PARPBP: variants seen among roughly 807,000 people sequenced by gnomAD.
PARPBP encodes PARP1 binding protein.
In PARPBP, 52 loss-of-function variants were observed where a neutral mutation model predicts 50.0. That is an observed-to-expected ratio of 1.04 (90% confidence interval 0.83 to 1.31). The LOEUF is 1.31. PARPBP is among the 50% of genes most tolerant of loss of function. The probability of loss-of-function intolerance (pLI) is 0.00; values close to 1 mark genes in which losing one functional copy is unlikely to be tolerated. For synonymous variants in PARPBP, 244 were observed against 232.1 expected (o/e 1.05, Z -0.47); for missense variants, 697 against 672.0 (o/e 1.04, Z -0.41).
At position 102,154,829 on chromosome 12, in the gene PARPBP, C is replaced by T. The variant is rs752127053; in HGVS notation, c.495+853C>T. The T allele has an allele frequency of 8.8e-6, 4 of 454,420 alleles. No homozygotes were observed. In the East Asian group the frequency reaches 2.1e-4, roughly 24 times the overall value. 28.1% of individuals were successfully genotyped at this position (454,420 alleles called of 1,614,324 possible). A position where few individuals can be genotyped will look rare whatever the true frequency, so the allele number is the denominator to read the frequency against. On this transcript the variant is annotated intron_variant, in intron 4 of 10. Transcript: ENST00000327680. ...TAACTAAATCTTTCCCCTTCCAGGC[C>T]CTCCCAGTCCTGAAGAGATAACTGA...
intron 2 of PARPBP, among the ~76,000 whole-genome samples, chr12:102,142,874 C>T (rs1428325146): frequency 2.0e-5 from 3 of 152,192 alleles, no homozygotes; most frequent in Non-Finnish European, 4.4e-5. Context: ...GAGGGACACC[C>T]GGCCGTATGA....
chr12:102,166,978 G>A (rs928191138), intron 6 of PARPBP, among the ~76,000 whole-genome samples: 2 of 152,056 alleles, frequency 1.3e-5, no homozygotes, highest in South Asian at 4.1e-4. Context: ...AAAATTTTTT[G>A]TAAGGCAATA....
At chr12:102,126,022 A>G (rs1881938629) in intron 2 of PARPBP, among the ~76,000 whole-genome samples, 2 of 152,228 alleles carry the variant, frequency 1.3e-5, no homozygotes, top group African/African-American at 4.8e-5. Context: ...AGAGATAAGC[A>G]CAATACTGGA....
chr12:102,166,471 T>G (rs745383755), intron 6 of PARPBP, among the ~76,000 whole-genome samples: 1 of 152,180 alleles, frequency 6.6e-6, no homozygotes, highest in South Asian at 2.1e-4. Flanking sequence ...ATTGTCAATT[T>G]GGTATCCTAT....
At chr12:102,142,313 C>G (rs142355503) in intron 2 of PARPBP, among the ~76,000 whole-genome samples, 2 of 152,148 alleles carry the variant, frequency 1.3e-5, no homozygotes, top group African/African-American at 2.4e-5. Flanking sequence ...TCATAGTTCT[C>G]GTGCCATGGT....
intron 4 of PARPBP, among the ~76,000 whole-genome samples, chr12:102,155,602 G>GGT (rs1555216797): frequency 7.4e-5 from 9 of 121,930 alleles, no homozygotes; most frequent in Non-Finnish European, 1.5e-4. Context: ...GGTGGGGGGG[G>GGT]GGGGCGGGGA....
intron 1 of PARPBP, among the ~76,000 whole-genome samples, chr12:102,122,069 C>T (rs1389735895): frequency 6.6e-6 from 1 of 152,176 alleles, no homozygotes; most frequent in East Asian, 1.9e-4. Context: ...GGTGGAGCCA[C>T]ATTTCAGAAT....
intron 9 of PARPBP, among the ~76,000 whole-genome samples, chr12:102,187,781 T>G (rs1352205626): frequency 1.3e-5 from 2 of 152,150 alleles, no homozygotes; most frequent in Non-Finnish European, 2.9e-5. Flanking sequence ...TGTGGAGACT[T>G]CTTTTTTTCA....
Position 102,178,556 on chromosome 12 carries a change from A to T in PARPBP, c.1006-36A>T, listed in dbSNP as rs1051990383. On this transcript the variant is annotated intron_variant, in intron 7 of 10. Transcript: ENST00000327680. ...TATGGCCATTCACCCAGCTGGGGTGATTATTACATTTACCTAAAATTATTT... is the reference window on the plus strand; with the variant it reads ...TATGGCCATTCACCCAGCTGGGGTGTTTATTACATTTACCTAAAATTATTT... The T allele has an allele frequency of 6.3e-6, 9 of 1,438,052 alleles. No individual in the cohort carries two copies. The African/African-American group carries it at 8.6e-5, about 14-fold the overall frequency. The allele number at this position is 1,438,052 out of a possible 1,614,324, so 89.1% of individuals were successfully genotyped here. A position where few individuals can be genotyped will look rare whatever the true frequency, so the allele number is the denominator to read the frequency against.
Position 102,196,358 on chromosome 12 carries a change from T to C in PARPBP, c.*67T>C, listed in dbSNP as rs1357010449. On this transcript the variant is annotated 3_prime_UTR_variant, in exon 11 of 11. Coordinates refer to ENST00000327680, the MANE Select transcript of PARPBP (RefSeq NM_017915.5). Reference sequence around the variant, plus strand: ...ATTCACCAAAGACATGCTTAATTTTTAAGAGATCAAGGTGTAAATTATGAT... The same window carrying C: ...ATTCACCAAAGACATGCTTAATTTTCAAGAGATCAAGGTGTAAATTATGAT... The C allele has an allele frequency of 9.6e-7, 1 of 1,045,922 alleles. No homozygotes were observed. The highest frequency in any genetic ancestry group is 1.6e-5 in the African/African-American group (1 of 62,090). 64.8% of individuals were successfully genotyped at this position (1,045,922 alleles called of 1,614,324 possible).
At chr12:102,159,398 A>G (rs755734054) in intron 4 of PARPBP, among the ~76,000 whole-genome samples, 10 of 152,202 alleles carry the variant, frequency 6.6e-5, no homozygotes, top group Non-Finnish European at 8.8e-5. Context: ...AAGTGCTGGA[A>G]TTACAGGCGT....
At chr12:102,139,191 A>G (rs1884152727) in intron 2 of PARPBP, among the ~76,000 whole-genome samples, 1 of 152,170 alleles carries the variant, frequency 6.6e-6, no homozygotes, top group Non-Finnish European at 1.5e-5. Context: ...TTCTCCTTGA[A>G]GAGGTCCTTC....
chr12:102,166,336 TATG>T (rs1888139481), intron 6 of PARPBP, among the ~76,000 whole-genome samples: 1 of 152,146 alleles, frequency 6.6e-6, no homozygotes, highest in South Asian at 2.1e-4. Flanking sequence ...TTTGTTTTTA[TATG>T]ATATTGGAGG....
At chr12:102,165,698 A>G in intron 5 of PARPBP, 31 bp from the exon 6 acceptor site, 1 of 1,539,210 alleles carries the variant, frequency 6.5e-7, no homozygotes, top group Non-Finnish European at 8.9e-7. Flanking sequence ...AAATCACTGG[A>G]CATAACTTAT....
At chr12:102,153,808 T>A in intron 3 of PARPBP, 61 bp from the exon 4 acceptor site, 1 of 867,080 alleles carries the variant, frequency 1.2e-6, no homozygotes, top group South Asian at 1.4e-5. Context: ...TAGAGCTTTA[T>A]GTGAAGTATT....
chr12:102,186,590 AT>A (rs1292219017), intron 9 of PARPBP, among the ~76,000 whole-genome samples: 1 of 152,130 alleles, frequency 6.6e-6, no homozygotes, highest in Non-Finnish European at 1.5e-5. Context: ...GTAAGTTATT[AT>A]AAGTACCCTT....
At chr12:102,142,952 A>C (rs1048839908) in intron 2 of PARPBP, among the ~76,000 whole-genome samples, 2 of 152,196 alleles carry the variant, frequency 1.3e-5, no homozygotes, top group Admixed American at 1.3e-4. Flanking sequence ...GACCTACTTG[A>C]GGAGGCAGTC....
chr12:102,186,800 A>G (rs1173656766), intron 9 of PARPBP, among the ~76,000 whole-genome samples: 1 of 152,172 alleles, frequency 6.6e-6, no homozygotes, highest in East Asian at 1.9e-4. Context: ...ATCATCATTT[A>G]GCCAGTCAAT....
intron 2 of PARPBP, among the ~76,000 whole-genome samples, chr12:102,143,680 A>G (rs927357490): frequency 1.3e-5 from 2 of 152,214 alleles, no homozygotes; most frequent in African/African-American, 2.4e-5. Context: ...TGGCGAATGT[A>G]TATGACTTCA....
Sources: allele counts gnomAD v4.1 joint callset (sites outside exome capture counted in the v4.1 genomes callset), GRCh38; gene constraint gnomAD v4.1.1; transcripts MANE v1.5; gene names NCBI Gene and HGNC (gene_info 2026-07-23, HGNC 2026-07-21).